SEC63: variants seen among roughly 807,000 people sequenced by gnomAD.
The protein encoded by SEC63 is SEC63 protein translocation regulator, also known as translocation protein SEC63 homolog.
In SEC63, 56 loss-of-function variants were observed where a neutral mutation model predicts 116.2. The observed-to-expected ratio is 0.48, with a 90% CI of 0.39 to 0.60. The LOEUF (loss-of-function observed/expected upper bound fraction) is 0.60, where lower values mean the gene tolerates loss of function less well. SEC63 is among the 20% of genes least tolerant of loss of function. The pLI is 0.00. For synonymous variants in SEC63, 273 were observed against 294.6 expected, an observed-to-expected ratio of 0.93 and a Z score of 0.75; for missense variants, 668 against 900.0, an observed-to-expected ratio of 0.74 and a Z score of 3.30.
chr6:107,940,199 T>C (rs1166940423), intron 1 of SEC63, among the ~76,000 whole-genome samples: 2 of 151,352 alleles, frequency 1.3e-5, no homozygotes, highest in East Asian at 3.9e-4. Context: ...AAACAAACAC[T>C]GGATCACAGC....
chr6:107,887,373 AT>A (rs1424055238), intron 16 of SEC63, among the ~76,000 whole-genome samples: 2 of 143,922 alleles, frequency 1.4e-5, no homozygotes, highest in Non-Finnish European at 3.0e-5. Flanking sequence ...GATAGACTGG[AT>A]TAAGAAAATG....
At chr6:107,911,203 C>T (rs1202423351) in intron 7 of SEC63, 143 bp downstream of exon 7, 2 of 687,606 alleles carry the variant, frequency 2.9e-6, no homozygotes, top group Non-Finnish European at 5.1e-6. Flanking sequence ...GCGATCCTCC[C>T]ACCTCACCTT....
rs1275650983 is a variant in SEC63 at position 107,953,709 on chromosome 6, C to A, written c.124+4177G>T. Among the ~76,000 whole-genome samples, 5 of 142,474 alleles carry A rather than the reference C, an allele frequency of 3.5e-5. No homozygotes were observed. In the East Asian group the frequency reaches 8.8e-4, roughly 25 times the overall value. The allele number at this position is 142,474 out of a possible 152,430, so 93.5% of individuals were successfully genotyped here. A position where few individuals can be genotyped will look rare whatever the true frequency, so the allele number is the denominator to read the frequency against. ...CCGGGAGGGAGGTGGGGGGTCAGCC[C>A]CCTGCCCGGCCAGCCGCCCTGTCCG... is the stretch of plus-strand genomic sequence containing the variant. On this transcript the variant is annotated intron_variant, in intron 1 of 20. Transcript: ENST00000369002.
intron 1 of SEC63, among the ~76,000 whole-genome samples, chr6:107,952,685 G>A (rs963247194): frequency 2.0e-5 from 3 of 152,162 alleles, no homozygotes; most frequent in Non-Finnish European, 2.9e-5. Flanking sequence ...TTGAATCTGG[G>A]AGGTGGAGGT....
intron 16 of SEC63, 184 bp from the exon 17 acceptor site, chr6:107,883,330 A>G (rs1174309576): frequency 6.3e-6 from 4 of 632,604 alleles, no homozygotes; most frequent in Non-Finnish European, 1.1e-5. Flanking sequence ...CAGACTAAAG[A>G]GTTTAATATC....
chr6:107,925,507 G>C (rs1332895709), intron 2 of SEC63, among the ~76,000 whole-genome samples: 2 of 152,096 alleles, frequency 1.3e-5, no homozygotes, highest in Non-Finnish European at 2.9e-5. Flanking sequence ...AGTTATAGAA[G>C]GATGTTCATA....
chr6:107,922,730 T>C (rs759566508), intron 3 of SEC63, among the ~76,000 whole-genome samples: 23 of 152,128 alleles, frequency 1.5e-4, no homozygotes, highest in Non-Finnish European at 2.2e-4. Flanking sequence ...TTAAAATCTC[T>C]CTTAATGACT....
At chr6:107,928,086 T>C (rs1221908598) in intron 2 of SEC63, among the ~76,000 whole-genome samples, 2 of 152,126 alleles carry the variant, frequency 1.3e-5, no homozygotes, top group African/African-American at 4.8e-5. Context: ...GAATAAACAG[T>C]GAAGAGAAAA....
intron 6 of SEC63, among the ~76,000 whole-genome samples, chr6:107,912,351 G>T (rs1787301151): frequency 6.6e-6 from 1 of 152,216 alleles, no homozygotes; most frequent in African/African-American, 2.4e-5. Context: ...GAGGCAGGCA[G>T]ATAACTTGAG....
chr6:107,913,557 T>C, intron 4 of SEC63, 130 bp from the exon 5 acceptor site: 1 of 757,670 alleles, frequency 1.3e-6, no homozygotes, highest in East Asian at 2.5e-5. Flanking sequence ...CAAGAAAAGT[T>C]TCTCTGAAAT....
chr6:107,953,667 C>T (rs1207399513), intron 1 of SEC63, among the ~76,000 whole-genome samples: 1 of 142,006 alleles, frequency 7.0e-6, no homozygotes, highest in Non-Finnish European at 1.5e-5. Flanking sequence ...GCCCCTCTGC[C>T]CGGCCAGCCG....
chr6:107,910,430 C>G (rs1398475355), intron 7 of SEC63, among the ~76,000 whole-genome samples: 1 of 152,002 alleles, frequency 6.6e-6, no homozygotes, highest in Non-Finnish European at 1.5e-5. Flanking sequence ...TTTGCACCAC[C>G]TTACTATACA....
chr6:107,908,032 G>T (rs577105791), intron 8 of SEC63, among the ~76,000 whole-genome samples: 20 of 152,254 alleles, frequency 1.3e-4, no homozygotes, highest in African/African-American at 4.8e-4. Flanking sequence ...TTTTCGATAA[G>T]GCAAAGTAGT....
rs900482751 is a variant in SEC63, at chr6:107,881,332, A to G, written c.1834-82T>C. Reference sequence around the variant, plus strand: ...GGATTTCCAGGTATTATTCCTGACAATGCTAATTAACTACTTAGGATTAGA... The same window carrying G: ...GGATTTCCAGGTATTATTCCTGACAGTGCTAATTAACTACTTAGGATTAGA... On this transcript the variant is annotated intron_variant, in intron 17 of 20. Transcript: ENST00000369002. 4 of 929,076 alleles carry G rather than the reference A, an allele frequency of 4.3e-6. No individual in the cohort carries two copies. The African/African-American group carries it at 6.6e-5, about 15-fold the overall frequency. 57.6% of individuals were successfully genotyped at this position (929,076 alleles called of 1,614,324 possible). A position where few individuals can be genotyped will look rare whatever the true frequency, so the allele number is the denominator to read the frequency against.
At chr6:107,908,824 G>A (rs1205645190) in intron 8 of SEC63, 103 bp downstream of exon 8, 10 of 683,930 alleles carry the variant, frequency 1.5e-5, no homozygotes, top group African/African-American at 3.6e-5. Context: ...TTATAAAACT[G>A]TACAATAGAA....
intron 1 of SEC63, among the ~76,000 whole-genome samples, chr6:107,939,654 G>A (rs1770331269): frequency 6.6e-6 from 1 of 151,974 alleles, no homozygotes; most frequent in Admixed American, 6.5e-5. Flanking sequence ...TGAAGCAGGA[G>A]AACCCTAGGA....
At chr6:107,916,443 T>C (rs868386321) in intron 4 of SEC63, among the ~76,000 whole-genome samples, 5 of 152,268 alleles carry the variant, frequency 3.3e-5, no homozygotes, top group Admixed American at 2.0e-4. Flanking sequence ...CAATATCCTC[T>C]ACTAAGTACA....
In SEC63 at chr6:107,934,330, G is replaced by A. The variant is rs527570865; in HGVS notation, c.125-4816C>T. Reference sequence around the variant, plus strand: ...TAGGAAGTGAGGAGCGCCTCTTCCCGGCCGTCATCCCATCTAGGAAGTGAG... The same window carrying A: ...TAGGAAGTGAGGAGCGCCTCTTCCCAGCCGTCATCCCATCTAGGAAGTGAG... On this transcript the variant is annotated intron_variant, in intron 1 of 20. Coordinates refer to ENST00000369002, the MANE Select transcript of SEC63 (RefSeq NM_007214.5). 7.4e-5 allele frequency among the ~76,000 whole-genome samples: 11 copies of A among 149,240 alleles called. No homozygotes were observed. The East Asian group carries it at 8.0e-4, about 11-fold the overall frequency.
intron 1 of SEC63, among the ~76,000 whole-genome samples, chr6:107,953,752 TCAGCCCCCCGCC>T (rs1197159731): frequency 5.7e-4 from 73 of 127,886 alleles, no homozygotes; most frequent in Middle Eastern, 6.0e-3. Context: ...GGTGGGGGGT[TCAGCCCCCCGCC>T]CGGCCAGCCG....
Sources: gnomAD v4.1 joint callset for allele counts (sites outside exome capture counted in the v4.1 genomes callset) on GRCh38, gnomAD v4.1.1 for gene constraint, MANE v1.5 for transcripts, NCBI Gene and HGNC (gene_info 2026-07-23, HGNC 2026-07-21) for gene names.